The following PTPRT variants were observed in gnomAD, a reference collection of about 807,000 sequenced individuals.
The protein encoded by PTPRT is protein tyrosine phosphatase receptor type T.
A neutral mutation model predicts 176.8 loss-of-function variants in PTPRT; 56 were observed. That is an observed-to-expected ratio of 0.32 (90% CI 0.26 to 0.40). PTPRT has a LOEUF of 0.40. Among genes scored for constraint, PTPRT ranks in the 10% least tolerant of loss-of-function variants. PTPRT has a pLI of 1.00. For synonymous variants in PTPRT, 783 were observed against 739.0 expected (o/e 1.06, Z -0.96); for missense variants, 1,540 against 1,908.2 (o/e 0.81, Z 3.60).
chr20:42,578,961 CGTTT>C (rs377569350), intron 7 of PTPRT, among the ~76,000 whole-genome samples: 14,012 of 148,120 alleles, frequency 0.095, 1,265 homozygotes, highest in Admixed American at 0.24. Context: ...ACAATGTGCA[CGTTT>C]GTTACATATG....
rs190670307 is a variant in PTPRT at position 42,648,098 on chromosome 20, T to C, written c.1153+29768A>G. ...TCTGGGGAAACGGCTCCCCTGAGGT[T>C]GTCTGGGGTTTTTACAGAGCTCTTC... On this transcript the variant is annotated intron_variant, in intron 7 of 30. Transcript: ENST00000373187. 4.0e-3 allele frequency among the ~76,000 whole-genome samples: 616 copies of C among 152,156 alleles called. 4 individuals carry two copies. Among genetic ancestry groups the C allele is most frequent in the Middle Eastern group, 0.02 (6 of 294 alleles).
intron 1 of PTPRT, among the ~76,000 whole-genome samples, chr20:43,010,647 T>C (rs902463951): frequency 6.6e-6 from 1 of 151,740 alleles, no homozygotes; most frequent in Non-Finnish European, 1.5e-5. Flanking sequence ...ATCAACATCA[T>C]CATCGCATTA....
chr20:42,811,696 C>T (rs917332235), intron 2 of PTPRT, among the ~76,000 whole-genome samples: 3 of 152,030 alleles, frequency 2.0e-5, no homozygotes, highest in African/African-American at 4.8e-5. Flanking sequence ...TGTTGGTGGC[C>T]GCTGTTGTTA....
At chr20:42,580,991 C>A (rs2073360921) in intron 7 of PTPRT, among the ~76,000 whole-genome samples, 1 of 152,108 alleles carries the variant, frequency 6.6e-6, no homozygotes, top group African/African-American at 2.4e-5. Context: ...CCGAGTCTTG[C>A]AAGTTCTTGT....
intron 7 of PTPRT, among the ~76,000 whole-genome samples, chr20:42,474,517 T>C (rs1342974270): frequency 6.6e-6 from 1 of 152,162 alleles, no homozygotes; most frequent in Non-Finnish European, 1.5e-5. Flanking sequence ...TACAGCCCAA[T>C]TATTCATGCT....
At chr20:42,473,473 G>C (rs2071234966) in intron 7 of PTPRT, among the ~76,000 whole-genome samples, 1 of 152,032 alleles carries the variant, frequency 6.6e-6, no homozygotes, top group Admixed American at 6.5e-5. Context: ...TGTCTTTGGG[G>C]TGGCTTGTTT....
At chr20:42,543,868 T>C (rs1026684484) in intron 7 of PTPRT, among the ~76,000 whole-genome samples, 3 of 152,156 alleles carry the variant, frequency 2.0e-5, no homozygotes, top group Non-Finnish European at 2.9e-5. Context: ...ACATTGTCCA[T>C]GGGCAGTAAT....
chr20:42,049,956 T>C, the PTPRT span, among the ~76,000 whole-genome samples: 1 of 152,326 alleles, frequency 6.6e-6, no homozygotes, highest in East Asian at 1.9e-4. Flanking sequence ...CCTGCAGATA[T>C]TCAGCCTCAT....
At chr20:42,241,604 G>A (rs1048413044) in intron 14 of PTPRT, among the ~76,000 whole-genome samples, 2 of 152,266 alleles carry the variant, frequency 1.3e-5, no homozygotes, top group African/African-American at 4.8e-5. Context: ...GTGGCCATGG[G>A]ATGGGGAAGA....
chr20:42,534,831 T>C (rs1313777166), intron 7 of PTPRT, among the ~76,000 whole-genome samples: 3 of 152,056 alleles, frequency 2.0e-5, no homozygotes, highest in East Asian at 3.9e-4. Context: ...CTCTGTAAAA[T>C]GGGGCCAACT....
At chr20:42,351,315 T>C (rs1428710884) in intron 10 of PTPRT, among the ~76,000 whole-genome samples, 1 of 152,220 alleles carries the variant, frequency 6.6e-6, no homozygotes, top group African/African-American at 2.4e-5. Flanking sequence ...CTTTATTTTG[T>C]AACATGTTTA....
At chr20:42,730,547 G>A (rs539334128) in intron 6 of PTPRT, among the ~76,000 whole-genome samples, 18 of 152,318 alleles carry the variant, frequency 1.2e-4, no homozygotes, top group Non-Finnish European at 2.4e-4. Context: ...GCAGTTCAGG[G>A]TGTGTGGTTA....
rs183212452 is a variant in PTPRT, at chr20:42,110,190, A to T, written c.3254+143T>A. ...GCCTCCCAGGTAGCTGGGATTACAG[A>T]TGTATGCCACCATGACCAGCTAAGT... On this transcript the variant is annotated intron_variant, in intron 23 of 30. Transcript: ENST00000373187. 1.7e-3 allele frequency: 1,188 copies of T among 692,842 alleles called. 4 individuals are homozygous for T. Among genetic ancestry groups the T allele is most frequent in the Admixed American group, 3.8e-3 (116 of 30,780 alleles). The allele number at this position is 692,842 out of a possible 1,614,324, so 42.9% of individuals were successfully genotyped here.
intron 8 of PTPRT, among the ~76,000 whole-genome samples, chr20:42,467,841 A>G (rs772307033): frequency 3.3e-5 from 5 of 152,140 alleles, no homozygotes; most frequent in Non-Finnish European, 5.9e-5. Context: ...AGCTTTGAAA[A>G]TTTTCACAAT....
chr20:42,792,122 A>C (rs1033196286), intron 2 of PTPRT, among the ~76,000 whole-genome samples: 1 of 152,326 alleles, frequency 6.6e-6, no homozygotes, highest in African/African-American at 2.4e-5. Context: ...CTTGGGATCA[A>C]GAATACACAC....
intron 19 of PTPRT, among the ~76,000 whole-genome samples, chr20:42,121,411 T>A (rs764314195): frequency 1.3e-5 from 2 of 151,964 alleles, no homozygotes; most frequent in African/African-American, 4.8e-5. Flanking sequence ...AAGCTTAAAA[T>A]TTTTTTTGTC....
chr20:42,091,895 G>A (rs557969191), intron 27 of PTPRT, among the ~76,000 whole-genome samples: 70 of 152,226 alleles, frequency 4.6e-4, no homozygotes, highest in African/African-American at 1.6e-3. Context: ...CCACATAGTG[G>A]GTGGAAACTT....
intron 7 of PTPRT, among the ~76,000 whole-genome samples, chr20:42,569,175 C>A (rs1175750092): frequency 7.1e-6 from 1 of 141,716 alleles, no homozygotes; most frequent in African/African-American, 2.6e-5. Flanking sequence ...GCTCACCCAA[C>A]CCTTACAACC....
the PTPRT span, among the ~76,000 whole-genome samples, chr20:42,055,580 C>A: frequency 2.6e-5 from 4 of 152,000 alleles, no homozygotes; most frequent in African/African-American, 7.3e-5. Flanking sequence ...AGGCAGGGTA[C>A]CATTTCTGTA....
Sources: gnomAD v4.1 joint callset for allele counts (sites outside exome capture counted in the v4.1 genomes callset) on GRCh38, gnomAD v4.1.1 for gene constraint, MANE v1.5 for transcripts, NCBI Gene and HGNC (gene_info 2026-07-23, HGNC 2026-07-21) for gene names.